Variants in PRKN observed in about 807,000 individuals in gnomAD.
The protein encoded by PRKN is parkin RBR E3 ubiquitin protein ligase, also known as E3 ubiquitin-protein ligase parkin.
PRKN carries 56 observed loss-of-function variants against 59.5 expected under a neutral mutation model. The observed-to-expected ratio is 0.94, with a 90% CI of 0.76 to 1.18. PRKN has a LOEUF of 1.18. Among genes scored for constraint, PRKN ranks in the 50% most tolerant of loss-of-function variants. PRKN has a pLI of 0.00. For missense variants in PRKN, 657 were observed against 596.4 expected (o/e 1.10, Z -1.06); for synonymous variants, 250 against 222.1 (o/e 1.13, Z -1.12).
At chr6:161,756,057 C>T (rs1265764878) in intron 7 of PRKN, among the ~76,000 whole-genome samples, 2 of 151,890 alleles carry the variant, frequency 1.3e-5, no homozygotes, top group Non-Finnish European at 2.9e-5. Context: ...ATAATGAGTC[C>T]GATTAAAGGC....
At chr6:161,598,195 G>A (rs762763098) in intron 7 of PRKN, among the ~76,000 whole-genome samples, 29 of 152,158 alleles carry the variant, frequency 1.9e-4, no homozygotes, top group Non-Finnish European at 2.8e-4. Flanking sequence ...AACTATGCTC[G>A]ATGCCTAGTG....
chr6:162,449,337 C>T (rs570610083), intron 1 of PRKN, among the ~76,000 whole-genome samples: 72 of 152,252 alleles, frequency 4.7e-4, no homozygotes, highest in African/African-American at 1.2e-3. Context: ...ATTTTGTTAA[C>T]GGTAGTCCTT....
At chr6:162,434,499 A>C (rs1001323176) in intron 2 of PRKN, among the ~76,000 whole-genome samples, 2 of 152,116 alleles carry the variant, frequency 1.3e-5, no homozygotes, top group Non-Finnish European at 2.9e-5. Flanking sequence ...ATCAATATTA[A>C]ACCTAATATT....
At chr6:161,368,569 G>A (rs1446075982) in intron 10 of PRKN, among the ~76,000 whole-genome samples, 1 of 151,208 alleles carries the variant, frequency 6.6e-6, no homozygotes, top group Non-Finnish European at 1.5e-5. Context: ...CAACAACAAC[G>A]AAAGCAACTA....
At chr6:162,648,015 C>T (rs942376225) in intron 1 of PRKN, among the ~76,000 whole-genome samples, 1 of 135,638 alleles carries the variant, frequency 7.4e-6, no homozygotes, top group African/African-American at 2.8e-5. Flanking sequence ...TAGAAAAGTT[C>T]CTAAATATTC....
At chr6:162,663,657 G>C (rs1470750427) in intron 1 of PRKN, among the ~76,000 whole-genome samples, 1 of 152,096 alleles carries the variant, frequency 6.6e-6, no homozygotes, top group Non-Finnish European at 1.5e-5. Context: ...GACGACAAGA[G>C]GAGTAAAGCA....
At chr6:162,656,114 C>T (rs1778630578) in intron 1 of PRKN, among the ~76,000 whole-genome samples, 1 of 152,146 alleles carries the variant, frequency 6.6e-6, no homozygotes, top group Non-Finnish European at 1.5e-5. Flanking sequence ...GTAGAGCGTA[C>T]ATTTACAACA....
intron 5 of PRKN, among the ~76,000 whole-genome samples, chr6:162,037,220 T>C (rs1444950544): frequency 1.3e-5 from 2 of 152,218 alleles, no homozygotes; most frequent in Non-Finnish European, 2.9e-5. Context: ...AGATCACTAA[T>C]GTGCTGTTTT....
intron 4 of PRKN, among the ~76,000 whole-genome samples, chr6:162,194,849 T>C (rs78377637): frequency 0.014 from 2,093 of 152,146 alleles, 50 homozygotes; most frequent in African/African-American, 0.047. Context: ...GCGAGGTGAG[T>C]GTGCATCATT....
chr6:161,756,503 T>C (rs1428962088), intron 7 of PRKN, among the ~76,000 whole-genome samples: 2 of 151,166 alleles, frequency 1.3e-5, no homozygotes, highest in Non-Finnish European at 2.9e-5. Context: ...TTTATTGCTG[T>C]TTCCCAAATT....
At position 161,877,522 on chromosome 6, in the gene PRKN, C is replaced by T. The variant is rs187519641; in HGVS notation, c.735-91614G>A. Among the ~76,000 whole-genome samples, 229 of 150,610 alleles carry T rather than the reference C, an allele frequency of 1.5e-3. 2 individuals carry two copies. The highest frequency in any genetic ancestry group is 3.4e-3 in the Middle Eastern group (1 of 290). On this transcript the variant is annotated intron_variant, in intron 6 of 11. Coordinates refer to ENST00000366898, the MANE Select transcript of PRKN (RefSeq NM_004562.3). ...TCACCCAGGCTGGAGTGCAGTGGCG[C>T]GATCTCAGCTCACTGCAAGCTCAGC...
chr6:162,611,938 C>T (rs1221747909), intron 1 of PRKN, among the ~76,000 whole-genome samples: 1 of 151,916 alleles, frequency 6.6e-6, no homozygotes, highest in South Asian at 2.1e-4. Context: ...GTAATCCCAG[C>T]ACTTTGGGAG....
Position 161,447,815 on chromosome 6 carries a change from C to A in PRKN, c.1084-60938G>T, listed in dbSNP as rs984503235. On this transcript the variant is annotated intron_variant, in intron 9 of 11. Coordinates refer to ENST00000366898, the MANE Select transcript of PRKN (RefSeq NM_004562.3). The surrounding 1 kb of genome is among the most constrained non-coding windows in gnomAD (Gnocchi z 4.1). The stretch of plus-strand genomic sequence containing the variant: ...GCCTCCTTTTTCTTTTAAACACATA[C>A]ATACATATATGTAAAAACAAAAGAA... 6.6e-6 allele frequency among the ~76,000 whole-genome samples: 1 copy of A among 152,100 alleles called. No homozygotes were observed. The highest frequency in any genetic ancestry group is 2.4e-5 in the African/African-American group (1 of 41,426).
intron 3 of PRKN, among the ~76,000 whole-genome samples, chr6:162,234,535 T>C (rs961107854): frequency 6.6e-6 from 1 of 152,192 alleles, no homozygotes; most frequent in Non-Finnish European, 1.5e-5. Context: ...AAGTCCTTGA[T>C]ATAAAATGAC....
chr6:161,998,879 T>C (rs963587574), intron 5 of PRKN, among the ~76,000 whole-genome samples: 3 of 152,142 alleles, frequency 2.0e-5, no homozygotes, highest in Non-Finnish European at 4.4e-5. Context: ...ATAAGTAATT[T>C]ATGGTGTCAG....
chr6:162,578,670 T>A (rs1208337182), intron 1 of PRKN, among the ~76,000 whole-genome samples: 1 of 152,232 alleles, frequency 6.6e-6, no homozygotes, highest in African/African-American at 2.4e-5. Flanking sequence ...TCAAATGGTT[T>A]CAATACAATA....
intron 2 of PRKN, among the ~76,000 whole-genome samples, chr6:162,393,637 A>C (rs1787330966): frequency 6.6e-6 from 1 of 152,200 alleles, no homozygotes; most frequent in African/African-American, 2.4e-5. Flanking sequence ...AATCTAGACA[A>C]TCTTTATTAA....
chr6:162,267,780 A>C (rs1026251812), intron 2 of PRKN, among the ~76,000 whole-genome samples: 1 of 152,170 alleles, frequency 6.6e-6, no homozygotes, highest in African/African-American at 2.4e-5. Flanking sequence ...ATGGAAACAT[A>C]CCAGTATTAA....
At chr6:162,392,270 GATAT>G (rs1165474181) in intron 2 of PRKN, among the ~76,000 whole-genome samples, 2 of 152,122 alleles carry the variant, frequency 1.3e-5, no homozygotes, top group Non-Finnish European at 2.9e-5. Context: ...AGGGCCTCCT[GATAT>G]AGTCCTCATG....
Sources: gnomAD v4.1 joint callset for allele counts (sites outside exome capture counted in the v4.1 genomes callset) on GRCh38, gnomAD v4.1.1 for gene constraint, Gnocchi (gnomAD v3.1) non-coding constraint, MANE v1.5 for transcripts, NCBI Gene and HGNC (gene_info 2026-07-23, HGNC 2026-07-21) for gene names.